Variants in PCDHA2 observed in about 807,000 individuals in gnomAD.
The protein encoded by PCDHA2 is protocadherin alpha-2.
A neutral mutation model predicts 66.0 loss-of-function variants in PCDHA2; 58 were observed. That is an observed-to-expected ratio of 0.88 (90% confidence interval 0.71 to 1.09). PCDHA2 has a LOEUF of 1.09. Ranked by LOEUF, PCDHA2 falls within the 50% of genes least tolerant of loss-of-function variation. The pLI, the probability that PCDHA2 is intolerant of heterozygous loss-of-function variation, is 0.00. For synonymous variants in PCDHA2, 634 were observed against 554.0 expected, an observed-to-expected ratio of 1.14 and a Z score of -2.03; for missense variants, 1,267 against 1,242.3, an observed-to-expected ratio of 1.02 and a Z score of -0.30.
intron 1 of PCDHA2, among the ~76,000 whole-genome samples, chr5:140,913,052 A>G (rs1554195709): frequency 6.6e-6 from 1 of 151,874 alleles, no homozygotes; most frequent in African/African-American, 2.4e-5. Context: ...CTGGAGTTTT[A>G]TTTTATTTTG....
At chr5:140,902,206 T>TC (rs2069239214) in intron 1 of PCDHA2, among the ~76,000 whole-genome samples, 1 of 145,724 alleles carries the variant, frequency 6.9e-6, no homozygotes, top group South Asian at 2.1e-4. Flanking sequence ...TCTCTTTCTT[T>TC]TTTTTTTTTT....
chr5:140,977,324 C>T (rs1035502087), intron 1 of PCDHA2, among the ~76,000 whole-genome samples: 5 of 152,102 alleles, frequency 3.3e-5, no homozygotes, highest in Non-Finnish European at 4.4e-5. Context: ...CTCCTGATGG[C>T]GAGGGGAGAG....
In PCDHA2 at chr5:140,818,806, G is replaced by C. The variant is rs2150102424; in HGVS notation, c.2388+21454G>C. Among the ~76,000 whole-genome samples, 6 of 152,310 alleles carry C rather than the reference G, an allele frequency of 3.9e-5. No homozygotes were observed. In the South Asian group the frequency reaches 1.0e-3, roughly 26 times the overall value. On this transcript the variant is annotated intron_variant, in intron 1 of 3. Coordinates refer to ENST00000526136, the MANE Select transcript of PCDHA2 (RefSeq NM_018905.3). ...GACTGTACCACTGCACTCCAGCCTC[G>C]GTCAGAGTGAGACTCTTTGTCACCC...
intron 1 of PCDHA2, among the ~76,000 whole-genome samples, chr5:140,918,875 T>G (rs1283138930): frequency 2.0e-5 from 3 of 152,188 alleles, no homozygotes; most frequent in African/African-American, 7.2e-5. Context: ...CTTTCAAGCC[T>G]CTAGAACAGT....
chr5:140,843,751 T>A (rs2150366147), intron 1 of PCDHA2: 1 of 1,519,852 alleles, frequency 6.6e-7, no homozygotes, highest in Non-Finnish European at 9.0e-7. Context: ...ATAAATTCTA[T>A]TTGTGGAAAT....
chr5:140,886,603 G>A lies in PCDHA2; in HGVS notation c.2388+89251G>A, dbSNP rs781862855. Among the ~76,000 whole-genome samples, 8 of 152,090 alleles carry A rather than the reference G, an allele frequency of 5.3e-5. No individual in the cohort carries two copies. The East Asian group carries it at 1.2e-3, about 22-fold the overall frequency. ...AGCACTTTGGGAGGCCAAGGTGGGCGGATCAGGAGATCAGGAGTCCGAGAC... is the reference window on the plus strand; with the variant it reads ...AGCACTTTGGGAGGCCAAGGTGGGCAGATCAGGAGATCAGGAGTCCGAGAC... On this transcript the variant is annotated intron_variant, in intron 1 of 3. Coordinates refer to ENST00000526136, the MANE Select transcript of PCDHA2 (RefSeq NM_018905.3).
At chr5:140,816,771 C>T in intron 1 of PCDHA2, 1 of 151,966 alleles carries the variant, frequency 6.6e-6, no homozygotes, top group Admixed American at 6.6e-5. Context: ...GTGTATAATT[C>T]CTAATTAGAG....
intron 1 of PCDHA2, chr5:140,830,000 C>A: frequency 6.2e-7 from 1 of 1,613,984 alleles, no homozygotes; most frequent in South Asian, 1.1e-5. Context: ...CACTCGTGTC[C>A]TGGACGAAGC....
intron 1 of PCDHA2, chr5:140,870,813 C>A: frequency 3.7e-6 from 6 of 1,613,700 alleles, no homozygotes; most frequent in Non-Finnish European, 5.1e-6. Context: ...CTCAGGCTGG[C>A]AGCGCGGGAG....
In PCDHA2 at chr5:140,802,738, G is replaced by A. The variant is rs1554122323; in HGVS notation, c.2388+5386G>A. ...AGCTACGTGTCGGTACACGCGGAGA[G>A]CGGCAAGGTGTACGCGCTGCAGCCG... On this transcript the variant is annotated intron_variant, in intron 1 of 3. Coordinates refer to ENST00000526136, the MANE Select transcript of PCDHA2 (RefSeq NM_018905.3). The A allele has an allele frequency of 3.1e-6, 5 of 1,612,562 alleles. No homozygotes were observed. The South Asian group carries it at 5.5e-5, about 18-fold the overall frequency.
chr5:140,921,942 C>G (rs1025333030), intron 1 of PCDHA2, among the ~76,000 whole-genome samples: 3 of 151,730 alleles, frequency 2.0e-5, no homozygotes, highest in Non-Finnish European at 4.4e-5. Context: ...TAATTTTACA[C>G]TTGTAAAATC....
rs2150181468 is a variant in PCDHA2 at position 140,830,125 on chromosome 5, G to A, written c.2388+32773G>A. 1.5e-5 allele frequency: 24 copies of A among 1,613,450 alleles called. No individual in the cohort carries two copies. In the East Asian group the frequency reaches 4.9e-4, roughly 33 times the overall value. On this transcript the variant is annotated intron_variant, in intron 1 of 3. Coordinates refer to ENST00000526136, the MANE Select transcript of PCDHA2 (RefSeq NM_018905.3). ...TGGAGAGTGGCCAGGCTCCAAAGGC[G>A]TCATCACGGGCGTCGGTGGGCGCCG...
chr5:140,834,317 G>T, intron 1 of PCDHA2: 1 of 1,393,006 alleles, frequency 7.2e-7, no homozygotes, highest in Non-Finnish European at 9.8e-7. Context: ...GAAATGAAGG[G>T]ATAAAAACAT....
chr5:140,796,627 G>T lies in PCDHA2; in HGVS notation c.1663G>T (p.Val555Leu). 3 of 1,613,746 alleles carry T rather than the reference G, an allele frequency of 1.9e-6. No homozygotes were observed. Among genetic ancestry groups the T allele is most frequent in the African/African-American group, 1.3e-5 (1 of 75,058 alleles). ...CAGCAACGTGACGCTGCAGGTGTTC[G>T]TGCTGGACGAGAACGACAACGCGCC... ...LGSNVTLQVF[V>L]LDENDNAPAL... The change falls in exon 1 of 4, where the codon GTG (valine) becomes TTG (leucine). Residue 555 changes from valine (V) to leucine (L), a missense_variant. Transcript: ENST00000526136.
chr5:140,943,139 TC>T (rs1314499841), intron 1 of PCDHA2, among the ~76,000 whole-genome samples: 5 of 151,168 alleles, frequency 3.3e-5, no homozygotes, highest in Non-Finnish European at 5.9e-5. Flanking sequence ...GTGCCTGTAG[TC>T]CCAGCTACTC....
intron 1 of PCDHA2, among the ~76,000 whole-genome samples, chr5:140,896,219 T>A (rs1212681477): frequency 1.3e-5 from 2 of 152,252 alleles, no homozygotes; most frequent in African/African-American, 2.4e-5. Flanking sequence ...TACATGTGTC[T>A]TTATAGTAGA....
chr5:140,823,533 G>A (rs1472583465), intron 1 of PCDHA2: 10 of 1,613,648 alleles, frequency 6.2e-6, no homozygotes, highest in Middle Eastern at 1.7e-4. Flanking sequence ...CAGTGGGTGC[G>A]GGCCACGTGG....
At chr5:140,824,389 T>C (rs1768104531) in intron 1 of PCDHA2, 2 of 557,508 alleles carry the variant, frequency 3.6e-6, no homozygotes, top group African/African-American at 3.8e-5. Flanking sequence ...TCTAAAAATG[T>C]AGGATAATAA....
chr5:140,915,312 C>T (rs781796761), intron 1 of PCDHA2, among the ~76,000 whole-genome samples: 2 of 152,122 alleles, frequency 1.3e-5, no homozygotes, highest in Non-Finnish European at 2.9e-5. Flanking sequence ...TTACATACCA[C>T]AATTACAGTG....
Sources: allele counts gnomAD v4.1 joint callset (sites outside exome capture counted in the v4.1 genomes callset), GRCh38; gene constraint gnomAD v4.1.1; transcripts MANE v1.5; gene names NCBI Gene and HGNC (gene_info 2026-07-23, HGNC 2026-07-21).